Variants in SCARF1 observed in about 807,000 individuals in gnomAD.
The protein encoded by SCARF1 is scavenger receptor class F member 1.
SCARF1 carries 49 observed loss-of-function variants against 76.3 expected under a neutral mutation model. The observed-to-expected ratio is 0.64, with a 90% CI of 0.51 to 0.81. The LOEUF (loss-of-function observed/expected upper bound fraction) is 0.81, where lower values mean the gene tolerates loss of function less well. SCARF1 is among the 40% of genes least tolerant of loss of function. The probability of loss-of-function intolerance (pLI) is 0.00; values close to 1 mark genes in which losing one functional copy is unlikely to be tolerated. For missense variants in SCARF1, 1,098 were observed against 1,143.9 expected (o/e 0.96, Z 0.58); for synonymous variants, 495 against 474.6 (o/e 1.04, Z -0.56).
rs1567667856 is a variant in SCARF1 at position 1,645,550 on chromosome 17, C to CGA, written c.101+45_101+46dup. On this transcript the variant is annotated intron_variant, in intron 1 of 10. Transcript: ENST00000263071. The surrounding 1 kb of genome is among the most constrained non-coding windows in gnomAD (Gnocchi z 6.3). ...TTCAGCCACCCGCATCAGACTCCCA[C>CGA]GAGACCCACCTGCTGGCCACACGCA... 1 of 1,578,076 alleles carries CGA rather than the reference C, an allele frequency of 6.3e-7. No individual in the cohort carries two copies. Among genetic ancestry groups the CGA allele is most frequent in the Non-Finnish European group, 8.6e-7 (1 of 1,167,740 alleles).
In SCARF1 at chr17:1,640,433, G is replaced by GA; in HGVS notation, c.1010+14dup. ...GGGAAGGTGTACCCCACCCTGAACA[G>GA]AATGGTGCCCTCACCTGGGCCCCAG... is the stretch of plus-strand genomic sequence containing the variant. On this transcript the variant is annotated intron_variant, in intron 5 of 10. Coordinates refer to ENST00000263071, the MANE Select transcript of SCARF1 (RefSeq NM_003693.4). This position sits in a 1 kb window ranked among gnomAD's most constrained non-coding sequence, Gnocchi z 4.7. 6.5e-7 allele frequency: 1 copy of GA among 1,546,954 alleles called. No homozygotes were observed. Among genetic ancestry groups the GA allele is most frequent in the Non-Finnish European group, 8.7e-7 (1 of 1,144,882 alleles).
In SCARF1 at chr17:1,643,955, T is replaced by A; in HGVS notation, c.278A>T (p.Gln93Leu). ...GAHCSSRCPG[Q>L]YWGPDCRESC... The stretch of plus-strand genomic sequence containing the variant: ...CTCACGGCAGTCGGGGCCCCAGTAC[T>A]GGCCCGGGCAGCCTGCGGGGGTGGG... Residue 93 changes from glutamine (Q) to leucine (L), a missense_variant, in exon 4 of 11, where the codon CAG becomes CTG. Gln to Leu is a moderately radical substitution (Grantham distance 113). Coordinates refer to ENST00000263071, the MANE Select transcript of SCARF1 (RefSeq NM_003693.4). The A allele has an allele frequency of 7.7e-7, 1 of 1,302,708 alleles. No individual in the cohort carries two copies. Among genetic ancestry groups the A allele is most frequent in the South Asian group, 1.9e-5 (1 of 52,206 alleles). 80.7% of individuals were successfully genotyped at this position (1,302,708 alleles called of 1,614,324 possible). A position where few individuals can be genotyped will look rare whatever the true frequency, so the allele number is the denominator to read the frequency against.
At chr17:1,637,202 T>A (rs1237271091) in intron 8 of SCARF1, 140 bp from the exon 9 acceptor site, 10 of 903,544 alleles carry the variant, frequency 1.1e-5, no homozygotes, top group African/African-American at 3.3e-5. Context: ...AAAATCCAAA[T>A]GATTGAGCCC....
At chr17:1,641,903 G>A (rs974578551) in intron 4 of SCARF1, among the ~76,000 whole-genome samples, 5 of 151,982 alleles carry the variant, frequency 3.3e-5, no homozygotes, top group Non-Finnish European at 7.4e-5. Flanking sequence ...TGTATTTTTA[G>A]TAGAGACGAG....
rs1162687312 is a variant in SCARF1 at position 1,643,495 on chromosome 17, C to T, written c.738G>A (p.Ala246=). 1.5e-6 allele frequency: 2 copies of T among 1,337,914 alleles called. No individual in the cohort carries two copies. The highest frequency in any genetic ancestry group is 1.5e-5 in the African/African-American group (1 of 64,960). The allele number at this position is 1,337,914 out of a possible 1,614,324, so 82.9% of individuals were successfully genotyped here. A position where few individuals can be genotyped will look rare whatever the true frequency, so the allele number is the denominator to read the frequency against. The part of the protein sequence containing the change: ...ECTCPPGFRG[A]RCELPCPAGS... ...CTGCCGGGCAGGGCAGCTCGCAGCGCGCTCCGCGGAAGCCGGGCGGGCAGG... is the reference window on the plus strand; with the variant it reads ...CTGCCGGGCAGGGCAGCTCGCAGCGTGCTCCGCGGAAGCCGGGCGGGCAGG... Residue 246 remains alanine (A), a synonymous_variant, in exon 4 of 11, where the codon GCG becomes GCA. Transcript: ENST00000263071.
intron 10 of SCARF1, among the ~76,000 whole-genome samples, 193 bp from the exon 11 acceptor site, chr17:1,635,810 T>TG (rs1348865991): frequency 3.4e-5 from 5 of 148,028 alleles, no homozygotes; most frequent in Non-Finnish European, 6.0e-5. Context: ...ATTGTAGAGA[T>TG]GGGGTCTCAC....
chr17:1,643,036 G>A (rs111370192), intron 4 of SCARF1, among the ~76,000 whole-genome samples: 12 of 152,232 alleles, frequency 7.9e-5, no homozygotes, highest in African/African-American at 2.9e-4. Flanking sequence ...TGCTTTGTAT[G>A]TTTTTTGAGA....
chr17:1,643,456 C>A lies in SCARF1; in HGVS notation c.777G>T (p.Val259=). The A allele has an allele frequency of 7.8e-7, 1 of 1,288,022 alleles. No individual in the cohort carries two copies. Among genetic ancestry groups the A allele is most frequent in the Non-Finnish European group, 9.8e-7 (1 of 1,022,262 alleles). 79.8% of individuals were successfully genotyped at this position (1,288,022 alleles called of 1,614,324 possible). A position where few individuals can be genotyped will look rare whatever the true frequency, so the allele number is the denominator to read the frequency against. ...ELPCPAGSHG[V]QCAHSCGRCK... Reference sequence around the variant, plus strand: ...CGCCCGCTCACCTGTGTGCGCACTGCACCCCGTGGCTGCCTGCCGGGCAGG... The same window carrying A: ...CGCCCGCTCACCTGTGTGCGCACTGAACCCCGTGGCTGCCTGCCGGGCAGG... Residue 259 remains valine, a synonymous_variant, in exon 4 of 11, where the codon GTG becomes GTT. Coordinates refer to ENST00000263071, the MANE Select transcript of SCARF1 (RefSeq NM_003693.4).
chr17:1,645,190 C>T lies in SCARF1; in HGVS notation c.151G>A (p.Glu51Lys). ...CCTGGCTACTCACGGATGGTGCATT[C>T]TTGATCCTTCTGCCTCCAGCCTGCG... is the stretch of plus-strand genomic sequence containing the variant. ...CCAGWRQKDQ[E>K]CTIPICEGPD... The change falls in exon 2 of 11, where the codon GAA (glutamate) becomes AAA (lysine). Residue 51 changes from glutamate to lysine, a missense_variant. Glu to Lys is a moderately conservative substitution (Grantham distance 56). Transcript: ENST00000263071. This position sits in a 1 kb window ranked among gnomAD's most constrained non-coding sequence, Gnocchi z 6.3. The T allele has an allele frequency of 6.2e-7, 1 of 1,613,830 alleles. No homozygotes were observed. Among genetic ancestry groups the T allele is most frequent in the Non-Finnish European group, 8.5e-7 (1 of 1,179,984 alleles).
At chr17:1,642,142 G>A (rs1380526089) in intron 4 of SCARF1, among the ~76,000 whole-genome samples, 1 of 151,444 alleles carries the variant, frequency 6.6e-6, no homozygotes, top group East Asian at 1.9e-4. Flanking sequence ...TTTTTTGTAA[G>A]AAACCATTTT....
At position 1,644,070 on chromosome 17, in the gene SCARF1, C is replaced by T; in HGVS notation, c.266-103G>A. On this transcript the variant is annotated intron_variant, in intron 3 of 10. Coordinates refer to ENST00000263071, the MANE Select transcript of SCARF1 (RefSeq NM_003693.4). This position sits in a 1 kb window ranked among gnomAD's most constrained non-coding sequence, Gnocchi z 4.8. The stretch of plus-strand genomic sequence containing the variant: ...GAAAAGGGGCGCTGGGCCCATCCTC[C>T]AAGAGCCGGGGACAGACCCTCAGAA... 1.0e-6 allele frequency: 1 copy of T among 964,064 alleles called. No homozygotes were observed. The highest frequency in any genetic ancestry group is 4.1e-5 in the South Asian group (1 of 24,382). The allele number at this position is 964,064 out of a possible 1,614,324, so 59.7% of individuals were successfully genotyped here. A position where few individuals can be genotyped will look rare whatever the true frequency, so the allele number is the denominator to read the frequency against.
Position 1,644,274 on chromosome 17 carries a change from A to G in SCARF1, c.266-307T>C, listed in dbSNP as rs1406303393. ...CACCGAGGTTGGTGGGCCTTCCTCC[A>G]TGCCTGCTCCTCCCTGCCGAGATGG... On this transcript the variant is annotated intron_variant, in intron 3 of 10. Transcript: ENST00000263071. This position sits in a 1 kb window ranked among gnomAD's most constrained non-coding sequence, Gnocchi z 4.8. 13 of 346,208 alleles carry G rather than the reference A, an allele frequency of 3.8e-5. No individual in the cohort carries two copies. The highest frequency in any genetic ancestry group is 6.8e-5 in the Non-Finnish European group (13 of 191,932). The allele number at this position is 346,208 out of a possible 1,614,324, so 21.4% of individuals were successfully genotyped here. A position where few individuals can be genotyped will look rare whatever the true frequency, so the allele number is the denominator to read the frequency against.
intron 10 of SCARF1, among the ~76,000 whole-genome samples, 168 bp from the exon 11 acceptor site, chr17:1,635,785 C>CTTTT (rs1555547214): frequency 1.4e-5 from 2 of 146,848 alleles, no homozygotes; most frequent in Non-Finnish European, 3.0e-5. Context: ...TACTTCTACA[C>CTTTT]TTTTTTTTTT....
In SCARF1 at chr17:1,644,979, A is replaced by C. The variant is rs1910411516; in HGVS notation, c.164-44T>G. On this transcript the variant is annotated intron_variant, in intron 2 of 10. Coordinates refer to ENST00000263071, the MANE Select transcript of SCARF1 (RefSeq NM_003693.4). The surrounding 1 kb of genome is among the most constrained non-coding windows in gnomAD (Gnocchi z 4.8). ...AGGTTGGAAAGACGGGAGCAGGACC[A>C]GGGGACACCCCTGCCCTCTCACTGG... is the stretch of plus-strand genomic sequence containing the variant. 6.3e-7 allele frequency: 1 copy of C among 1,595,434 alleles called. No homozygotes were observed. Among genetic ancestry groups the C allele is most frequent in the African/African-American group, 1.3e-5 (1 of 74,714 alleles).
chr17:1,640,778 T>C lies in SCARF1; in HGVS notation c.792-112A>G. ...TCGGGGGCCCTGGAGAGTGTTCGGG[T>C]CCCACCTGGGTCAGGCAGGTTTGAG... On this transcript the variant is annotated intron_variant, in intron 4 of 10. Transcript: ENST00000263071. The surrounding 1 kb of genome is among the most constrained non-coding windows in gnomAD (Gnocchi z 4.7). 1.0e-6 allele frequency: 1 copy of C among 998,900 alleles called. No individual in the cohort carries two copies. The highest frequency in any genetic ancestry group is 1.5e-5 in the South Asian group (1 of 67,414). 61.9% of individuals were successfully genotyped at this position (998,900 alleles called of 1,614,324 possible).
Position 1,643,549 on chromosome 17 carries a change from G to A in SCARF1, c.684C>T (p.Gly228=), listed in dbSNP as rs541781641. 2 of 1,452,308 alleles carry A rather than the reference G, an allele frequency of 1.4e-6. No individual in the cohort carries two copies. Among genetic ancestry groups the A allele is most frequent in the Admixed American group, 2.6e-5 (1 of 38,804 alleles). 90.0% of individuals were successfully genotyped at this position (1,452,308 alleles called of 1,614,324 possible). A position where few individuals can be genotyped will look rare whatever the true frequency, so the allele number is the denominator to read the frequency against. ...ACTCGCCGGAGGCGGCGCTGCAGCG[G>A]CCCCGCACACACTCGCACTGCTGCT... ...ECQQQCECVR[G]RCSAASGECT... The change falls in exon 4 of 11, where the codon GGC becomes GGT. Residue 228 remains glycine, a synonymous_variant. Transcript: ENST00000263071.
Position 1,640,726 on chromosome 17 carries a change from T to C in SCARF1, c.792-60A>G. ...GTGGATGGATGGAGCGCCCACCCCC[T>C]CCTACCCCTGTACTCCACGCAGGCC... On this transcript the variant is annotated intron_variant, in intron 4 of 10. Transcript: ENST00000263071. This position sits in a 1 kb window ranked among gnomAD's most constrained non-coding sequence, Gnocchi z 4.7. 1 of 1,483,072 alleles carries C rather than the reference T, an allele frequency of 6.7e-7. No individual in the cohort carries two copies. Among genetic ancestry groups the C allele is most frequent in the Non-Finnish European group, 9.3e-7 (1 of 1,078,728 alleles). 91.9% of individuals were successfully genotyped at this position (1,483,072 alleles called of 1,614,324 possible).
Position 1,638,833 on chromosome 17 carries a change from C to A in SCARF1, c.1337G>T (p.Trp446Leu). ...LGLACCACCC[W>L]APRSDLKDRP... The stretch of plus-strand genomic sequence containing the variant: ...GTCCTTGAGGTCTGATCGGGGGGCC[C>A]AGCAGCAGCAGGCACAGCAGGCAAG... Residue 446 changes from tryptophan to leucine, a missense_variant, in exon 8 of 11, where the codon TGG (tryptophan) becomes TTG (leucine). Trp to Leu is a moderately conservative substitution (Grantham distance 61). Coordinates refer to ENST00000263071, the MANE Select transcript of SCARF1 (RefSeq NM_003693.4). The A allele has an allele frequency of 1.3e-6, 2 of 1,589,344 alleles. No individual in the cohort carries two copies. Among genetic ancestry groups the A allele is most frequent in the Non-Finnish European group, 1.7e-6 (2 of 1,164,788 alleles).
chr17:1,638,731 A>G, intron 8 of SCARF1, 75 bp downstream of exon 8: 2 of 1,191,396 alleles, frequency 1.7e-6, no homozygotes. Context: ...TCCCCACCCC[A>G]CAAGGAAACC....
Sources: allele counts gnomAD v4.1 joint callset (sites outside exome capture counted in the v4.1 genomes callset), GRCh38; gene constraint gnomAD v4.1.1; non-coding constraint Gnocchi (gnomAD v3.1); transcripts MANE v1.5; gene names NCBI Gene and HGNC (gene_info 2026-07-23, HGNC 2026-07-21).